Variants in GBA2 observed in about 807,000 individuals in gnomAD.
GBA2 encodes glucosylceramidase beta 2, also known as non-lysosomal glucosylceramidase.
Under a neutral mutation model 112.9 loss-of-function variants are expected in GBA2, and 79 were observed. The ratio of observed to expected loss-of-function variants is 0.70; its 90% CI spans 0.58 to 0.84. The LOEUF (loss-of-function observed/expected upper bound fraction) is 0.84, where lower values mean the gene tolerates loss of function less well. Among genes scored for constraint, GBA2 ranks in the 40% least tolerant of loss-of-function variants. The probability of loss-of-function intolerance (pLI) is 0.00; values close to 1 mark genes in which losing one functional copy is unlikely to be tolerated. For missense variants in GBA2, 1,043 were observed against 1,190.0 expected (o/e 0.88, Z 1.82); for synonymous variants, 403 against 434.3 (o/e 0.93, Z 0.90).
In GBA2 at chr9:35,740,317, A is replaced by G. The variant is rs901729995; in HGVS notation, c.1175T>C (p.Val392Ala). The G allele has an allele frequency of 6.2e-7, 1 of 1,613,846 alleles. No homozygotes were observed. The highest frequency in any genetic ancestry group is 8.5e-7 in the Non-Finnish European group (1 of 1,179,890). ...AGGTCGCAACTTGCTGGAAACACACACAGCTCCAGCAATGCCTACTCCTTT... is the reference window on the plus strand; with the variant it reads ...AGGTCGCAACTTGCTGGAAACACACGCAGCTCCAGCAATGCCTACTCCTTT... ...TQKGVGIAGA[V>A]CVSSKLRPRG... Residue 392 changes from valine (V) to alanine (A), a missense_variant, in exon 7 of 17, where the codon GTG becomes GCG. Transcript: ENST00000378103. The surrounding 1 kb of genome is among the most constrained non-coding windows in gnomAD (Gnocchi z 4.7).
At position 35,740,051 on chromosome 9, in the gene GBA2, G is replaced by GT. The variant is rs1563960485; in HGVS notation, c.1355dup (p.Tyr452Ter). 5 of 1,613,918 alleles carry GT rather than the reference G, an allele frequency of 3.1e-6. No homozygotes were observed. The highest frequency in any genetic ancestry group is 1.7e-5 in the Admixed American group (1 of 60,024). The part of the protein sequence containing the change: ...PALSHYALCR[Y>*]AEWEERISAW... ...CTGAGATCCTCTCTTCCCACTCTGCGTATCGGCACAGTGCATAGTGGCTGA... is the reference window on the plus strand; with the variant it reads ...CTGAGATCCTCTCTTCCCACTCTGCGTTATCGGCACAGTGCATAGTGGCTGA... Residue 452 changes from tyrosine to a stop codon, truncating the protein, a stop_gained and frameshift_variant, in exon 8 of 17, where the codon TAC (tyrosine) becomes TAAC (stop). Transcript: ENST00000378103. LOFTEE classifies it high-confidence loss of function. This position sits in a 1 kb window ranked among gnomAD's most constrained non-coding sequence, Gnocchi z 4.7.
At chr9:35,744,451 GA>G (rs1282818613) in intron 2 of GBA2, 39 bp from the exon 3 acceptor site, 1 of 1,250,196 alleles carries the variant, frequency 8.0e-7, no homozygotes, top group East Asian at 2.3e-5. Context: ...ATTGGGAGAG[GA>G]AAATAAGCCC....
Position 35,741,428 on chromosome 9 carries a change from G to T in GBA2, c.786+244C>A. On this transcript the variant is annotated intron_variant, in intron 4 of 16. Coordinates refer to ENST00000378103, the MANE Select transcript of GBA2 (RefSeq NM_020944.3). This position sits in a 1 kb window ranked among gnomAD's most constrained non-coding sequence, Gnocchi z 4.6. ...TCCTGCCTCAGCCTCCCGAGTAGCT[G>T]GGACTACAGGTGCCTGCCACAACGC... 1 of 544,800 alleles carries T rather than the reference G, an allele frequency of 1.8e-6. No individual in the cohort carries two copies. Among genetic ancestry groups the T allele is most frequent in the East Asian group, 3.2e-5 (1 of 31,348 alleles). The allele number at this position is 544,800 out of a possible 1,614,324, so 33.7% of individuals were successfully genotyped here. A position where few individuals can be genotyped will look rare whatever the true frequency, so the allele number is the denominator to read the frequency against.
chr9:35,744,926 T>C (rs1826899165), intron 1 of GBA2, among the ~76,000 whole-genome samples: 1 of 152,210 alleles, frequency 6.6e-6, no homozygotes, highest in East Asian at 1.9e-4. Context: ...TTTGTTCTCC[T>C]CAGAAGGGGC....
At chr9:35,747,755 C>T (rs1827048631) in intron 1 of GBA2, among the ~76,000 whole-genome samples, 1 of 152,206 alleles carries the variant, frequency 6.6e-6, no homozygotes, top group South Asian at 2.1e-4. Flanking sequence ...TGATAAATGA[C>T]TTAATATCAA....
At chr9:35,739,866 G>A in intron 8 of GBA2, 66 bp from the exon 9 acceptor site, 2 of 1,567,806 alleles carry the variant, frequency 1.3e-6, no homozygotes, top group East Asian at 2.2e-5. Context: ...AGGATTTGGG[G>A]GTTCAGCAGA....
In GBA2 at chr9:35,737,237, C is replaced by T; in HGVS notation, c.2716G>A (p.Gly906Ser). 1 of 1,613,670 alleles carries T rather than the reference C, an allele frequency of 6.2e-7. No individual in the cohort carries two copies. The highest frequency in any genetic ancestry group is 8.5e-7 in the Non-Finnish European group (1 of 1,180,034). The change falls in exon 17 of 17, where the codon GGC becomes AGC. Residue 906 changes from glycine (G) to serine (S), a missense_variant. Gly to Ser is a moderately conservative substitution (Grantham distance 56). Transcript: ENST00000378103. This position sits in a 1 kb window ranked among gnomAD's most constrained non-coding sequence, Gnocchi z 4.1. ...KKASWPKVKQ[G>S]TGLRTGPMFG... ...ATAGGCCCTGTCCTTAGTCCTGTGC[C>T]CTGTTTGACTTTTGGCCAGGAGGCC... is the stretch of plus-strand genomic sequence containing the variant.
chr9:35,737,604 G>A lies in GBA2; in HGVS notation c.2505+144C>T, dbSNP rs751628793. On this transcript the variant is annotated intron_variant, in intron 16 of 16. Coordinates refer to ENST00000378103, the MANE Select transcript of GBA2 (RefSeq NM_020944.3). The surrounding 1 kb of genome is among the most constrained non-coding windows in gnomAD (Gnocchi z 4.1). ...CACAGACAGAAGCCTGAAGGCAGGA[G>A]CTGGAATGCATACCAGGGAAAAATG... is the stretch of plus-strand genomic sequence containing the variant. 5 of 1,567,566 alleles carry A rather than the reference G, an allele frequency of 3.2e-6. No homozygotes were observed. The highest frequency in any genetic ancestry group is 1.4e-5 in the African/African-American group (1 of 73,750).
Position 35,740,306 on chromosome 9 carries a change from T to G in GBA2, c.1186A>C (p.Ser396Arg). The G allele has an allele frequency of 1.4e-5, 23 of 1,614,096 alleles. No homozygotes were observed. Among genetic ancestry groups the G allele is most frequent in the Non-Finnish European group, 1.9e-5 (23 of 1,180,012 alleles). ...VGIAGAVCVS[S>R]KLRPRGQCRL... The stretch of plus-strand genomic sequence containing the variant: ...CACTGGCCTCGAGGTCGCAACTTGC[T>G]GGAAACACACACAGCTCCAGCAATG... The change falls in exon 7 of 17, where the codon AGC (serine) becomes CGC (arginine). Residue 396 changes from serine to arginine, a missense_variant. Transcript: ENST00000378103. This position sits in a 1 kb window ranked among gnomAD's most constrained non-coding sequence, Gnocchi z 4.7.
Position 35,737,254 on chromosome 9 carries a change from C to T in GBA2, c.2699G>A (p.Trp900Ter), listed in dbSNP as rs767031907. ...LQQQQHKKASWPKVKQGTGLR... is the reference protein window; with the variant it reads ...LQQQQHKKAS ...TCCTGTGCCCTGTTTGACTTTTGGC[C>T]AGGAGGCCTTTTTGTGCTGCTGCTG... Residue 900 changes from tryptophan to a stop codon, truncating the protein, a stop_gained, in exon 17 of 17, where the codon TGG (tryptophan) becomes TAG (stop). Coordinates refer to ENST00000378103, the MANE Select transcript of GBA2 (RefSeq NM_020944.3). LOFTEE classifies it low-confidence loss of function (END_TRUNC). This position sits in a 1 kb window ranked among gnomAD's most constrained non-coding sequence, Gnocchi z 4.1. The T allele has an allele frequency of 2.7e-5, 43 of 1,613,820 alleles. No individual in the cohort carries two copies. The highest frequency in any genetic ancestry group is 5.0e-5 in the Admixed American group (3 of 60,008).
Position 35,737,657 on chromosome 9 carries a change from ATTGGGTTATGCCTTGAAGAAAT to A in GBA2, c.2505+69_2505+90del. ...AGGCTTTATAGACGGACAAGATGGCATTGGGTTATGCCTTGAAGAAATTTGGTGGTTGAGGAAGTTTTCTGGG... is the reference window on the plus strand; with the variant it reads ...AGGCTTTATAGACGGACAAGATGGCATTGGTGGTTGAGGAAGTTTTCTGGG... On this transcript the variant is annotated intron_variant, in intron 16 of 16. Coordinates refer to ENST00000378103, the MANE Select transcript of GBA2 (RefSeq NM_020944.3). This position sits in a 1 kb window ranked among gnomAD's most constrained non-coding sequence, Gnocchi z 4.1. 1 of 1,610,838 alleles carries A rather than the reference ATTGGGTTATGCCTTGAAGAAAT, an allele frequency of 6.2e-7. No homozygotes were observed. The highest frequency in any genetic ancestry group is 8.5e-7 in the Non-Finnish European group (1 of 1,178,022).
chr9:35,742,816 GA>G (rs1826770235), intron 3 of GBA2, among the ~76,000 whole-genome samples: 1 of 152,144 alleles, frequency 6.6e-6, no homozygotes, highest in Non-Finnish European at 1.5e-5. Flanking sequence ...AGCTATGAGG[GA>G]TTAATATCCC....
In GBA2 at chr9:35,740,866, G is replaced by A. The variant is rs1826623065; in HGVS notation, c.985C>T (p.Leu329Phe). ...VRGLLLHHPT[L>F]PNPYTMAVAA... Reference sequence around the variant, plus strand: ...ACAGCCATCGTGTAGGGGTTTGGAAGGGTTGGATGATGCAGGAGCAGCCCC... The same window carrying A: ...ACAGCCATCGTGTAGGGGTTTGGAAAGGTTGGATGATGCAGGAGCAGCCCC... Residue 329 changes from leucine to phenylalanine, a missense_variant, in exon 5 of 17, where the codon CTT (leucine) becomes TTT (phenylalanine). By Grantham distance (22) the Leu-to-Phe change is conservative. Coordinates refer to ENST00000378103, the MANE Select transcript of GBA2 (RefSeq NM_020944.3). The surrounding 1 kb of genome is among the most constrained non-coding windows in gnomAD (Gnocchi z 4.7). 1 of 1,613,876 alleles carries A rather than the reference G, an allele frequency of 6.2e-7. No homozygotes were observed. Among genetic ancestry groups the A allele is most frequent in the Non-Finnish European group, 8.5e-7 (1 of 1,179,920 alleles).
chr9:35,738,753 A>G lies in GBA2; in HGVS notation c.1946T>C (p.Leu649Pro), dbSNP rs1826426767. The change falls in exon 12 of 17, where the codon CTA becomes CCA. Residue 649 changes from leucine to proline, a missense_variant and splice_region_variant. Transcript: ENST00000378103. ...NFLKDMWPVCLAVMESEMKFD... is the reference protein window; with the variant it reads ...NFLKDMWPVCPAVMESEMKFD... ...GGCCACTGCATGTGCATCCCTTACT[A>G]GACACACAGGCCACATGTCCTTCAG... 2 of 1,613,814 alleles carry G rather than the reference A, an allele frequency of 1.2e-6. No homozygotes were observed. Among genetic ancestry groups the G allele is most frequent in the Non-Finnish European group, 1.7e-6 (2 of 1,179,760 alleles).
chr9:35,742,223 T>C (rs1305799754), intron 3 of GBA2, among the ~76,000 whole-genome samples: 1 of 152,196 alleles, frequency 6.6e-6, no homozygotes, highest in Admixed American at 6.5e-5. Context: ...GTTAGGATGT[T>C]TCAGTGACTC....
In GBA2 at chr9:35,744,345, C is replaced by A. The variant is rs769895987; in HGVS notation, c.519G>T (p.Trp173Cys). 2 of 1,613,468 alleles carry A rather than the reference C, an allele frequency of 1.2e-6. No homozygotes were observed. Among genetic ancestry groups the A allele is most frequent in the Non-Finnish European group, 1.7e-6 (2 of 1,179,424 alleles). The stretch of plus-strand genomic sequence containing the variant: ...GCTGATACATTCCAGGGTTAAGCTG[C>A]CAACGACAGAACTGGCCTCTCCAGC... ...TRGWRGQFCRWQLNPGMYQHR... is the reference protein window; with the variant it reads ...TRGWRGQFCRCQLNPGMYQHR... Residue 173 changes from tryptophan (W) to cysteine (C), a missense_variant, in exon 3 of 17, where the codon TGG becomes TGT. Coordinates refer to ENST00000378103, the MANE Select transcript of GBA2 (RefSeq NM_020944.3).
chr9:35,744,322 T>G lies in GBA2; in HGVS notation c.542A>C (p.Gln181Pro), dbSNP rs1298906814. ...CRWQLNPGMY[Q>P]HRTVIADQFT... ...TTGGTCAGCGATGACTGTCCGGTGC[T>G]GATACATTCCAGGGTTAAGCTGCCA... Residue 181 changes from glutamine (Q) to proline (P), a missense_variant, in exon 3 of 17, where the codon CAG (glutamine) becomes CCG (proline). Coordinates refer to ENST00000378103, the MANE Select transcript of GBA2 (RefSeq NM_020944.3). 1 of 1,610,864 alleles carries G rather than the reference T, an allele frequency of 6.2e-7. No individual in the cohort carries two copies. The highest frequency in any genetic ancestry group is 2.2e-5 in the East Asian group (1 of 44,866).
At position 35,746,111 on chromosome 9, in the gene GBA2, G is replaced by A. The variant is rs980995307; in HGVS notation, c.360-1405C>T. ...TCATGTGAGGCTGACATACTTTTAAGTTCCTTGGGGAAAGGGACAATGACA... is the reference window on the plus strand; with the variant it reads ...TCATGTGAGGCTGACATACTTTTAAATTCCTTGGGGAAAGGGACAATGACA... On this transcript the variant is annotated intron_variant, in intron 1 of 16. Transcript: ENST00000378103. This position sits in a 1 kb window ranked among gnomAD's most constrained non-coding sequence, Gnocchi z 5.2. 6.6e-6 allele frequency among the ~76,000 whole-genome samples: 1 copy of A among 152,230 alleles called. No individual in the cohort carries two copies. Among genetic ancestry groups the A allele is most frequent in the African/African-American group, 2.4e-5 (1 of 41,452 alleles).
At chr9:35,739,882 A>T in intron 8 of GBA2, 82 bp from the exon 9 acceptor site, 1 of 1,545,828 alleles carries the variant, frequency 6.5e-7, no homozygotes, top group Non-Finnish European at 8.9e-7. Context: ...GCAGAGTGGG[A>T]TCATCAAATG....
Sources: gnomAD v4.1 joint callset for allele counts (sites outside exome capture counted in the v4.1 genomes callset) on GRCh38, gnomAD v4.1.1 for gene constraint, Gnocchi (gnomAD v3.1) non-coding constraint, MANE v1.5 for transcripts, NCBI Gene and HGNC (gene_info 2026-07-23, HGNC 2026-07-21) for gene names.